TRPC3: variants seen among roughly 807,000 people sequenced by gnomAD.
TRPC3 encodes the protein transient receptor potential cation channel subfamily C member 3, also known as short transient receptor potential channel 3.
Under a neutral mutation model 90.9 loss-of-function variants are expected in TRPC3, and 54 were observed. The observed-to-expected ratio is 0.59, with a 90% CI of 0.48 to 0.75. The LOEUF (loss-of-function observed/expected upper bound fraction) is 0.75, where lower values mean the gene tolerates loss of function less well. TRPC3 is among the 30% of genes least tolerant of loss of function. The pLI is 0.00. For synonymous variants in TRPC3, 424 were observed against 450.9 expected, an observed-to-expected ratio of 0.94 and a Z score of 0.75; for missense variants, 918 against 1,194.5, an observed-to-expected ratio of 0.77 and a Z score of 3.41.
chr4:121,926,652 C>G (rs1193025061), intron 2 of TRPC3, among the ~76,000 whole-genome samples: 2 of 152,150 alleles, frequency 1.3e-5, no homozygotes, highest in Non-Finnish European at 2.9e-5. Flanking sequence ...AATGATCCAC[C>G]CACCTGGGCC....
intron 1 of TRPC3, among the ~76,000 whole-genome samples, chr4:121,943,336 A>T (rs950571): frequency 0.47 from 72,083 of 152,076 alleles, 18,210 homozygotes; most frequent in East Asian, 0.6. Flanking sequence ...GTCAACAATC[A>T]TTCTTTCAAA....
At chr4:121,950,205 C>A (rs1314810847) in intron 1 of TRPC3, among the ~76,000 whole-genome samples, 1 of 152,212 alleles carries the variant, frequency 6.6e-6, no homozygotes, top group African/African-American at 2.4e-5. Flanking sequence ...GGGATCTACT[C>A]CCAGCCACTG....
chr4:121,882,579 A>G (rs2149103838), intron 10 of TRPC3, 150 bp from the exon 11 acceptor site: 1 of 548,000 alleles, frequency 1.8e-6, no homozygotes, highest in East Asian at 3.3e-5. Flanking sequence ...CGCAGGTTTC[A>G]GAACTTAACT....
In TRPC3 at chr4:121,932,961, G is replaced by C. The variant is rs13121031; in HGVS notation, c.297C>G (p.Ala99=). ...KGRRQAVRGP[A]FMFNDRGTSL... is the part of the protein sequence containing the mutation. Reference sequence around the variant, plus strand: ...TGGTGCCGCGGTCATTGAACATGAAGGCCGGGCCCCTGACAGCCTGGCGCC... The same window carrying C: ...TGGTGCCGCGGTCATTGAACATGAACGCCGGGCCCCTGACAGCCTGGCGCC... The change falls in exon 2 of 12, where the codon GCC becomes GCG. Residue 99 remains alanine (A), a synonymous_variant. Transcript: ENST00000379645. The surrounding 1 kb of genome is among the most constrained non-coding windows in gnomAD (Gnocchi z 7.7). The C allele has an allele frequency of 0.1, 163,609 of 1,613,080 alleles. 9,148 individuals carry two copies. Among genetic ancestry groups the C allele is most frequent in the Non-Finnish European group, 0.12 (136,440 of 1,179,492 alleles).
In TRPC3 at chr4:121,879,484, T is replaced by G. The variant is rs1201335094; in HGVS notation, c.*252A>C. The G allele has an allele frequency of 1.0e-5, 4 of 392,784 alleles. No individual in the cohort carries two copies. Among genetic ancestry groups the G allele is most frequent in the Non-Finnish European group, 1.8e-5 (4 of 222,790 alleles). 24.3% of individuals were successfully genotyped at this position (392,784 alleles called of 1,614,324 possible). A position where few individuals can be genotyped will look rare whatever the true frequency, so the allele number is the denominator to read the frequency against. On this transcript the variant is annotated 3_prime_UTR_variant, in exon 12 of 12. Coordinates refer to ENST00000379645, the MANE Select transcript of TRPC3 (RefSeq NM_001130698.2). The stretch of plus-strand genomic sequence containing the variant: ...GATGTGGAGTTTACTCTAAAATGAA[T>G]AAAAGTTTCAATAATATAGTAATAT...
intron 10 of TRPC3, among the ~76,000 whole-genome samples, chr4:121,882,777 C>T (rs1019105673): frequency 6.6e-6 from 1 of 152,072 alleles, no homozygotes; most frequent in South Asian, 2.1e-4. Context: ...TACCTTATTT[C>T]CCAGTATTTA....
intron 1 of TRPC3, among the ~76,000 whole-genome samples, chr4:121,937,028 T>G (rs1283346852): frequency 6.6e-6 from 1 of 152,224 alleles, no homozygotes; most frequent in Non-Finnish European, 1.5e-5. Context: ...TAGGGAACCC[T>G]CTGCTCTGCT....
Position 121,878,048 on chromosome 4 carries a change from G to A in TRPC3, c.*1688C>T, listed in dbSNP as rs1484264039. 6.6e-6 allele frequency among the ~76,000 whole-genome samples: 1 copy of A among 152,056 alleles called. No individual in the cohort carries two copies. Among genetic ancestry groups the A allele is most frequent in the African/African-American group, 2.4e-5 (1 of 41,414 alleles). On this transcript the variant is annotated 3_prime_UTR_variant, in exon 12 of 12. Coordinates refer to ENST00000379645, the MANE Select transcript of TRPC3 (RefSeq NM_001130698.2). ...CAGAAACATCTATTATAGAAACTTT[G>A]TATCTTTACTATCTTAACATATGGT...
At chr4:121,931,640 A>G (rs1451418742) in intron 2 of TRPC3, among the ~76,000 whole-genome samples, 8 of 152,218 alleles carry the variant, frequency 5.3e-5, no homozygotes, top group Admixed American at 5.2e-4. Flanking sequence ...ACCACTCTGA[A>G]TATACATTTG....
chr4:121,948,704 G>A (rs1730577018), intron 1 of TRPC3, among the ~76,000 whole-genome samples: 1 of 152,130 alleles, frequency 6.6e-6, no homozygotes, highest in African/African-American at 2.4e-5. Context: ...GAAAGAGAGG[G>A]CTTGAATTAA....
intron 10 of TRPC3, among the ~76,000 whole-genome samples, chr4:121,887,416 C>G (rs1728162075): frequency 6.6e-6 from 1 of 152,154 alleles, no homozygotes; most frequent in Admixed American, 6.5e-5. Flanking sequence ...ATCTGTATAA[C>G]CTAACATCAT....
intron 3 of TRPC3, among the ~76,000 whole-genome samples, chr4:121,916,550 A>G (rs879112264): frequency 6.6e-6 from 1 of 152,136 alleles, no homozygotes; most frequent in Admixed American, 6.5e-5. Flanking sequence ...AGCCTTCATG[A>G]ATGAGACTGG....
chr4:121,918,536 G>A (rs901580485), intron 3 of TRPC3, among the ~76,000 whole-genome samples: 3 of 152,164 alleles, frequency 2.0e-5, no homozygotes, highest in Admixed American at 6.5e-5. Context: ...TATATGTGAT[G>A]GTCAATCTTT....
At chr4:121,925,342 G>A (rs1186960131) in intron 2 of TRPC3, 136 bp from the exon 3 acceptor site, 2 of 936,430 alleles carry the variant, frequency 2.1e-6, no homozygotes, top group African/African-American at 3.4e-5. Context: ...AAGGCTTGTT[G>A]AGCTGAATAC....
intron 1 of TRPC3, among the ~76,000 whole-genome samples, chr4:121,947,183 C>CAAAAAAA (rs11457162): frequency 1.1e-5 from 1 of 92,030 alleles, no homozygotes; most frequent in Non-Finnish European, 2.1e-5. Context: ...GACTCTGTCT[C>CAAAAAAA]AAAAAAAAAA....
intron 2 of TRPC3, among the ~76,000 whole-genome samples, chr4:121,927,040 T>TTTTG (rs1298606793): frequency 1.3e-5 from 2 of 152,252 alleles, no homozygotes; most frequent in East Asian, 1.9e-4. Flanking sequence ...ACAGAGGGTT[T>TTTTG]TTTGTTTGTT....
chr4:121,911,066 A>G lies in TRPC3; in HGVS notation c.1559-679T>C, dbSNP rs761916419. 9.1e-4 allele frequency among the ~76,000 whole-genome samples: 138 copies of G among 152,228 alleles called. 1 individual carries two copies. Among genetic ancestry groups the G allele is most frequent in the Non-Finnish European group, 2.4e-4 (16 of 68,028 alleles). On this transcript the variant is annotated intron_variant, in intron 5 of 11. Coordinates refer to ENST00000379645, the MANE Select transcript of TRPC3 (RefSeq NM_001130698.2). Reference sequence around the variant, plus strand: ...ACTTAACAAATTGTCCTGACTACATAAAGGGAAAATACTGTAGAATTTTTA... The same window carrying G: ...ACTTAACAAATTGTCCTGACTACATGAAGGGAAAATACTGTAGAATTTTTA...
At position 121,949,369 on chromosome 4, in the gene TRPC3, C is replaced by G. The variant is rs116278751; in HGVS notation, c.215+2097G>C. On this transcript the variant is annotated intron_variant, in intron 1 of 11. Transcript: ENST00000379645. ...CAGTGAAACCAGCAACAGAAGTACC[C>G]CGAGGAATTATCCTGGTAAAGGTGG... 4.3e-3 allele frequency among the ~76,000 whole-genome samples: 648 copies of G among 152,218 alleles called. 2 individuals carry two copies. The highest frequency in any genetic ancestry group is 7.7e-3 in the Admixed American group (117 of 15,292).
At chr4:121,928,799 A>G (rs1370024778) in intron 2 of TRPC3, among the ~76,000 whole-genome samples, 2 of 152,214 alleles carry the variant, frequency 1.3e-5, no homozygotes, top group Non-Finnish European at 2.9e-5. Flanking sequence ...CTTTTAATGT[A>G]TATGTTTAAT....
Sources: allele counts gnomAD v4.1 joint callset (sites outside exome capture counted in the v4.1 genomes callset), GRCh38; gene constraint gnomAD v4.1.1; non-coding constraint Gnocchi (gnomAD v3.1); transcripts MANE v1.5; gene names NCBI Gene and HGNC (gene_info 2026-07-23, HGNC 2026-07-21).